EDC4: variants seen among roughly 807,000 people sequenced by gnomAD.
EDC4 encodes the protein enhancer of mRNA decapping 4, also known as enhancer of mRNA-decapping protein 4.
EDC4 carries 64 observed loss-of-function variants against 155.8 expected under a neutral mutation model. That is an observed-to-expected ratio of 0.41 (90% confidence interval 0.34 to 0.51). The LOEUF is 0.51. Ranked by LOEUF, EDC4 falls within the 20% of genes least tolerant of loss-of-function variation. The pLI is 0.19. For synonymous variants in EDC4, 684 were observed against 716.8 expected, an observed-to-expected ratio of 0.95 and a Z score of 0.73; for missense variants, 1,303 against 1,812.5, an observed-to-expected ratio of 0.72 and a Z score of 5.10.
chr16:67,880,625 C>T lies in EDC4; in HGVS notation c.2166C>T (p.Ala722=), dbSNP rs762630405. 5 of 1,614,194 alleles carry T rather than the reference C, an allele frequency of 3.1e-6. No individual in the cohort carries two copies. The highest frequency in any genetic ancestry group is 2.2e-5 in the East Asian group (1 of 44,876). ...TGGAGCCCCTGGGGCTACCCCAAGC[C>T]TCCCCTAGCCGCACTCGTTCCCCTG... ...QEVEPLGLPQ[A]SPSRTRSPDV... The change falls in exon 18 of 29, where the codon GCC becomes GCT. Residue 722 remains alanine, a synonymous_variant. Coordinates refer to ENST00000358933, the MANE Select transcript of EDC4 (RefSeq NM_014329.5). The surrounding 1 kb of genome is among the most constrained non-coding windows in gnomAD (Gnocchi z 5.2).
At chr16:67,875,712 C>T in intron 1 of EDC4, 2 of 1,340,984 alleles carry the variant, frequency 1.5e-6, no homozygotes, top group Non-Finnish European at 1.9e-6. Flanking sequence ...TCAAAGGGTC[C>T]TTGATGGCTT....
At position 67,876,102 on chromosome 16, in the gene EDC4, G is replaced by A; in HGVS notation, c.239+1G>A. ...TTAACCTGCAAGAGAAGCAGGTCAT[G>A]TGAGTACCTAGGAGACGACAATAGT... On this transcript the variant is annotated splice_donor_variant, in intron 2 of 28. Coordinates refer to ENST00000358933, the MANE Select transcript of EDC4 (RefSeq NM_014329.5). LOFTEE classifies it high-confidence loss of function. This position sits in a 1 kb window ranked among gnomAD's most constrained non-coding sequence, Gnocchi z 5.8. 6.2e-7 allele frequency: 1 copy of A among 1,613,994 alleles called. No individual in the cohort carries two copies. The highest frequency in any genetic ancestry group is 8.5e-7 in the Non-Finnish European group (1 of 1,179,868).
In EDC4 at chr16:67,882,447, G is replaced by T; in HGVS notation, c.3295G>T (p.Ala1099Ser). The T allele has an allele frequency of 6.2e-7, 1 of 1,613,742 alleles. No individual in the cohort carries two copies. The highest frequency in any genetic ancestry group is 8.5e-7 in the Non-Finnish European group (1 of 1,179,646). ...ACCCCAGAACTTGACTGATGCCATCGCCCGAGCAGCTGCAGACACATTACA... is the reference window on the plus strand; with the variant it reads ...ACCCCAGAACTTGACTGATGCCATCTCCCGAGCAGCTGCAGACACATTACA... The part of the protein sequence containing the change: ...LKSKNLTDAI[A>S]RAAADTLQGP... Residue 1099 changes from alanine (A) to serine (S), a missense_variant, in exon 25 of 29, where the codon GCC (alanine) becomes TCC (serine). Coordinates refer to ENST00000358933, the MANE Select transcript of EDC4 (RefSeq NM_014329.5). This position sits in a 1 kb window ranked among gnomAD's most constrained non-coding sequence, Gnocchi z 7.2.
In EDC4 at chr16:67,881,754, G is replaced by A; in HGVS notation, c.2913G>A (p.Leu971=). ...LAELRHSQEE[L]LQRLCTQLEG... is the part of the protein sequence containing the mutation. ...AGCTGCGGCACAGCCAGGAAGAGCTGCTGCAGCGTCTGTGTACCCAACTCG... is the reference window on the plus strand; with the variant it reads ...AGCTGCGGCACAGCCAGGAAGAGCTACTGCAGCGTCTGTGTACCCAACTCG... Residue 971 remains leucine (L), a synonymous_variant, in exon 22 of 29, where the codon CTG becomes CTA. Transcript: ENST00000358933. This position sits in a 1 kb window ranked among gnomAD's most constrained non-coding sequence, Gnocchi z 5.4. 2 of 1,614,136 alleles carry A rather than the reference G, an allele frequency of 1.2e-6. No individual in the cohort carries two copies. The highest frequency in any genetic ancestry group is 1.7e-6 in the Non-Finnish European group (2 of 1,180,022).
At position 67,879,754 on chromosome 16, in the gene EDC4, C is replaced by G. The variant is rs746467074; in HGVS notation, c.1801C>G (p.Pro601Ala). 1 of 1,614,154 alleles carries G rather than the reference C, an allele frequency of 6.2e-7. No homozygotes were observed. Among genetic ancestry groups the G allele is most frequent in the Non-Finnish European group, 8.5e-7 (1 of 1,180,002 alleles). The change falls in exon 15 of 29, where the codon CCT (proline) becomes GCT (alanine). Residue 601 changes from proline (P) to alanine (A), a missense_variant. Transcript: ENST00000358933. The surrounding 1 kb of genome is among the most constrained non-coding windows in gnomAD (Gnocchi z 6.0). ...GATGACACCTGACGCCTTCATGACA[C>G]CTAGCGCCTCCTTGCAGCAGGTACT... ...KLMTPDAFMT[P>A]SASLQQITAS...
At position 67,880,044 on chromosome 16, in the gene EDC4, C is replaced by T. The variant is rs1166675967; in HGVS notation, c.1944-19C>T. On this transcript the variant is annotated intron_variant, in intron 16 of 28. Coordinates refer to ENST00000358933, the MANE Select transcript of EDC4 (RefSeq NM_014329.5). This position sits in a 1 kb window ranked among gnomAD's most constrained non-coding sequence, Gnocchi z 5.2. ...GATGCCAAGCTCTGGCTGCTGACAC[C>T]TCAGCCTTCCCCCACCAGGCCACCT... is the stretch of plus-strand genomic sequence containing the variant. 7 of 1,591,610 alleles carry T rather than the reference C, an allele frequency of 4.4e-6. No homozygotes were observed. The African/African-American group carries it at 5.4e-5, about 12-fold the overall frequency.
At position 67,880,286 on chromosome 16, in the gene EDC4, C is replaced by T. The variant is rs1211703987; in HGVS notation, c.2097+70C>T. On this transcript the variant is annotated intron_variant, in intron 17 of 28. Coordinates refer to ENST00000358933, the MANE Select transcript of EDC4 (RefSeq NM_014329.5). The surrounding 1 kb of genome is among the most constrained non-coding windows in gnomAD (Gnocchi z 5.2). ...AGCAGCAGGGAAGGTGGGTGGTGGG[C>T]TCCTCCCAGCCCCCTGCTGCTGATC... 2 of 1,525,848 alleles carry T rather than the reference C, an allele frequency of 1.3e-6. No individual in the cohort carries two copies. Among genetic ancestry groups the T allele is most frequent in the South Asian group, 1.2e-5 (1 of 80,156 alleles). 94.5% of individuals were successfully genotyped at this position (1,525,848 alleles called of 1,614,324 possible).
chr16:67,875,927 G>T lies in EDC4; in HGVS notation c.83-18G>T. ...GCAGGTCGAGCAACCTTATCAGAAT[G>T]ACCCTCTTTGTCCCCAGGCCCCAGT... On this transcript the variant is annotated intron_variant, in intron 1 of 28. Coordinates refer to ENST00000358933, the MANE Select transcript of EDC4 (RefSeq NM_014329.5). 3 of 1,608,782 alleles carry T rather than the reference G, an allele frequency of 1.9e-6. No individual in the cohort carries two copies. The South Asian group carries it at 3.3e-5, about 18-fold the overall frequency.
chr16:67,884,361 T>C lies in EDC4; in HGVS notation c.*213T>C. The C allele has an allele frequency of 1.8e-6, 1 of 561,692 alleles. No homozygotes were observed. Among genetic ancestry groups the C allele is most frequent in the Non-Finnish European group, 3.1e-6 (1 of 321,270 alleles). 34.8% of individuals were successfully genotyped at this position (561,692 alleles called of 1,614,324 possible). A position where few individuals can be genotyped will look rare whatever the true frequency, so the allele number is the denominator to read the frequency against. ...AGGGCAGGTATTGCGCCTGCTTGGG[T>C]TCTGCCATGCCTGGAGCATGACCCT... On this transcript the variant is annotated 3_prime_UTR_variant, in exon 29 of 29. Coordinates refer to ENST00000358933, the MANE Select transcript of EDC4 (RefSeq NM_014329.5). This position sits in a 1 kb window ranked among gnomAD's most constrained non-coding sequence, Gnocchi z 4.1.
rs944370843 is a variant in EDC4 at position 67,879,863 on chromosome 16, CCAGCAGCAGCAGCAGCGGTAGCAG to C, written c.1851_1874del (p.Gly618_Ser625del). ...GCATCTCCCCAGATCACTGCCTCTC[CCAGCAGCAGCAGCAGCGGTAGCAG>C]CAGCAGCAGCAGCAGTAGCAGCAGC... On this transcript the variant is annotated inframe_deletion, in exon 16 of 29. Coordinates refer to ENST00000358933, the MANE Select transcript of EDC4 (RefSeq NM_014329.5). The surrounding 1 kb of genome is among the most constrained non-coding windows in gnomAD (Gnocchi z 6.0). 17 of 1,612,788 alleles carry C rather than the reference CCAGCAGCAGCAGCAGCGGTAGCAG, an allele frequency of 1.1e-5. No homozygotes were observed. In the East Asian group the frequency reaches 2.7e-4, roughly 25 times the overall value.
Position 67,875,996 on chromosome 16 carries a change from A to G in EDC4, c.134A>G (p.Asn45Ser), listed in dbSNP as rs138478304. The change falls in exon 2 of 29, where the codon AAT becomes AGT. Residue 45 changes from asparagine to serine, a missense_variant. Coordinates refer to ENST00000358933, the MANE Select transcript of EDC4 (RefSeq NM_014329.5). Reference protein sequence around the residue: ...RPSSAYNGDLNGLLVPDPLCS... With the variant: ...RPSSAYNGDLSGLLVPDPLCS... ...TCCAGTGCCTACAATGGGGACCTCAATGGACTTCTGGTCCCAGACCCGCTC... is the reference window on the plus strand; with the variant it reads ...TCCAGTGCCTACAATGGGGACCTCAGTGGACTTCTGGTCCCAGACCCGCTC... The G allele has an allele frequency of 1.2e-6, 2 of 1,614,038 alleles. No individual in the cohort carries two copies. Among genetic ancestry groups the G allele is most frequent in the Non-Finnish European group, 1.7e-6 (2 of 1,180,036 alleles).
chr16:67,879,608 A>C lies in EDC4; in HGVS notation c.1655A>C (p.Glu552Ala). ...EDFTFGESRP[E>A]LGSEGLGSAA... ...GCAGCATTTGGAGAGTCTCGGCCCGAACTGGGCTCTGAGGGCCTGGGGTCA... is the reference window on the plus strand; with the variant it reads ...GCAGCATTTGGAGAGTCTCGGCCCGCACTGGGCTCTGAGGGCCTGGGGTCA... Residue 552 changes from glutamate to alanine, a missense_variant, in exon 15 of 29, where the codon GAA (glutamate) becomes GCA (alanine). Transcript: ENST00000358933. The surrounding 1 kb of genome is among the most constrained non-coding windows in gnomAD (Gnocchi z 6.0). 6.2e-7 allele frequency: 1 copy of C among 1,614,090 alleles called. No homozygotes were observed. Among genetic ancestry groups the C allele is most frequent in the East Asian group, 2.2e-5 (1 of 44,886 alleles).
At position 67,880,499 on chromosome 16, in the gene EDC4, G is replaced by A. The variant is rs1200599986; in HGVS notation, c.2098-58G>A. ...GCTAATACTAATGCCTCGTCTCTGTGCCCCCCATCTCTGCCTCACTTCCTG... is the reference window on the plus strand; with the variant it reads ...GCTAATACTAATGCCTCGTCTCTGTACCCCCCATCTCTGCCTCACTTCCTG... On this transcript the variant is annotated intron_variant, in intron 17 of 28. Transcript: ENST00000358933. This position sits in a 1 kb window ranked among gnomAD's most constrained non-coding sequence, Gnocchi z 5.2. 1.3e-6 allele frequency: 2 copies of A among 1,580,764 alleles called. No homozygotes were observed. Among genetic ancestry groups the A allele is most frequent in the South Asian group, 1.1e-5 (1 of 87,512 alleles).
In EDC4 at chr16:67,881,169, T is replaced by A. The variant is rs757944992; in HGVS notation, c.2625T>A (p.Ser875Arg). The A allele has an allele frequency of 1.2e-6, 2 of 1,614,074 alleles. No individual in the cohort carries two copies. The highest frequency in any genetic ancestry group is 2.2e-5 in the South Asian group (2 of 91,080). ...AGCAACGTGACAGCCAGGATGCCAG[T>A]GCTGAGCAAAGGTGGGAGCCACTCT... ...LLQQRDSQDA[S>R]AEQSDHDDEV... Residue 875 changes from serine to arginine, a missense_variant, in exon 19 of 29, where the codon AGT becomes AGA. Physicochemically the swap from Ser to Arg is moderately radical, Grantham distance 110. Transcript: ENST00000358933. The surrounding 1 kb of genome is among the most constrained non-coding windows in gnomAD (Gnocchi z 5.4).
chr16:67,880,380 C>A lies in EDC4; in HGVS notation c.2097+164C>A. ...CCCTCCTGTGTTTCCTGGTGGGTGT[C>A]TCCTCAGCCTCCCTGTCCCCACCTC... On this transcript the variant is annotated intron_variant, in intron 17 of 28. Transcript: ENST00000358933. This position sits in a 1 kb window ranked among gnomAD's most constrained non-coding sequence, Gnocchi z 5.2. 1 of 1,329,440 alleles carries A rather than the reference C, an allele frequency of 7.5e-7. No homozygotes were observed. Among genetic ancestry groups the A allele is most frequent in the Non-Finnish European group, 1.0e-6 (1 of 979,400 alleles). 82.4% of individuals were successfully genotyped at this position (1,329,440 alleles called of 1,614,324 possible). A position where few individuals can be genotyped will look rare whatever the true frequency, so the allele number is the denominator to read the frequency against.
In EDC4 at chr16:67,881,049, C is replaced by A. The variant is rs766324594; in HGVS notation, c.2532-27C>A. On this transcript the variant is annotated intron_variant, in intron 18 of 28. Transcript: ENST00000358933. The surrounding 1 kb of genome is among the most constrained non-coding windows in gnomAD (Gnocchi z 5.4). ...AGGAGGGGCTTCAGATAGATTCATC[C>A]ATGGCTAAGTTGGCCTGTCCTCCCA... The A allele has an allele frequency of 6.1e-5, 98 of 1,613,884 alleles. No homozygotes were observed. The highest frequency in any genetic ancestry group is 5.3e-4 in the Admixed American group (32 of 60,002).
rs756040055 is a variant in EDC4, at chr16:67,879,643, G to C, written c.1690G>C (p.Gly564Arg). The C allele has an allele frequency of 1.2e-6, 2 of 1,614,156 alleles. No individual in the cohort carries two copies. The highest frequency in any genetic ancestry group is 2.2e-5 in the South Asian group (2 of 91,088). ...TGAGGGCCTGGGGTCAGCCGCTCAC[G>C]GCTCCCAGCCTGACCTCCGACGAAT... ...GSEGLGSAAH[G>R]SQPDLRRIVE... Residue 564 changes from glycine to arginine, a missense_variant, in exon 15 of 29, where the codon GGC becomes CGC. Transcript: ENST00000358933. The surrounding 1 kb of genome is among the most constrained non-coding windows in gnomAD (Gnocchi z 6.0).
In EDC4 at chr16:67,883,801, C is replaced by T. The variant is rs959668997; in HGVS notation, c.4013+70C>T. 1 of 1,573,416 alleles carries T rather than the reference C, an allele frequency of 6.4e-7. No individual in the cohort carries two copies. The highest frequency in any genetic ancestry group is 1.1e-5 in the South Asian group (1 of 89,212). ...GGCAGTGGGAGGGAGCAGTTTGAAG[C>T]TGACGCCCACTTCTGCCTGAATCCT... On this transcript the variant is annotated intron_variant, in intron 28 of 28. Transcript: ENST00000358933. This position sits in a 1 kb window ranked among gnomAD's most constrained non-coding sequence, Gnocchi z 5.3.
Position 67,881,614 on chromosome 16 carries a change from G to C in EDC4, c.2827-54G>C. The C allele has an allele frequency of 6.2e-7, 1 of 1,611,338 alleles. No individual in the cohort carries two copies. Among genetic ancestry groups the C allele is most frequent in the Non-Finnish European group, 8.5e-7 (1 of 1,178,022 alleles). ...AGGGCTCTGGGCCATTCCCTGGTCT[G>C]GTGTGTGGGAATAGGTGGGGCAGGC... is the stretch of plus-strand genomic sequence containing the variant. On this transcript the variant is annotated intron_variant, in intron 21 of 28. Coordinates refer to ENST00000358933, the MANE Select transcript of EDC4 (RefSeq NM_014329.5). This position sits in a 1 kb window ranked among gnomAD's most constrained non-coding sequence, Gnocchi z 5.4.
Sources: allele counts gnomAD v4.1 joint callset, GRCh38; gene constraint gnomAD v4.1.1; non-coding constraint Gnocchi (gnomAD v3.1); transcripts MANE v1.5; gene names NCBI Gene and HGNC (gene_info 2026-07-23, HGNC 2026-07-21).